Variants in PCNX4 observed in about 807,000 individuals in gnomAD.
PCNX4 encodes the protein pecanex 4, also known as pecanex-like protein 4.
A neutral mutation model predicts 107.2 loss-of-function variants in PCNX4; 103 were observed. The ratio of observed to expected loss-of-function variants is 0.96; its 90% CI spans 0.82 to 1.13. The LOEUF (loss-of-function observed/expected upper bound fraction) is 1.13, where lower values mean the gene tolerates loss of function less well. PCNX4 is among the 50% of genes most tolerant of loss of function. The pLI is 0.00. For synonymous variants in PCNX4, 541 were observed against 481.7 expected, an observed-to-expected ratio of 1.12 and a Z score of -1.61; for missense variants, 1,528 against 1,379.4, an observed-to-expected ratio of 1.11 and a Z score of -1.71.
At position 60,118,381 on chromosome 14, in the gene PCNX4, C is replaced by CTTTTGACTGTCA; in HGVS notation, c.1631_1632insTTTTGACTGTCA (p.Ala544_Val545insPheAspCysHis). 6.2e-7 allele frequency: 1 copy of CTTTTGACTGTCA among 1,612,976 alleles called. No individual in the cohort carries two copies. The highest frequency in any genetic ancestry group is 8.5e-7 in the Non-Finnish European group (1 of 1,179,392). Reference sequence around the variant, plus strand: ...CAGTTCATCTCTAAATTGCAGTTTGCCGTGACTGTGCTTTTGACATCATGG... The same window carrying CTTTTGACTGTCA: ...CAGTTCATCTCTAAATTGCAGTTTGCTTTTGACTGTCACGTGACTGTGCTTTTGACATCATGG... On this transcript the variant is annotated inframe_insertion, in exon 7 of 11. Transcript: ENST00000406854.
In PCNX4 at chr14:60,125,190, G is replaced by T. The variant is rs144671398; in HGVS notation, c.3019G>T (p.Val1007Phe). The T allele has an allele frequency of 3.7e-6, 6 of 1,610,050 alleles. No homozygotes were observed. Among genetic ancestry groups the T allele is most frequent in the South Asian group, 1.1e-5 (1 of 90,276 alleles). Residue 1007 changes from valine to phenylalanine, a missense_variant, in exon 9 of 11, where the codon GTT becomes TTT. Physicochemically the swap from Val to Phe is conservative, Grantham distance 50 (BLOSUM62 -1). Transcript: ENST00000406854. ...RVYGGVLPWS[V>F]ALDWLTEKPE... ...TTACGGTGGTGTTTTGCCTTGGTCT[G>T]TTGCTTTGGACTGGCTCACAGAAAA...
At chr14:60,101,919 A>G (rs1260868669) in intron 1 of PCNX4, among the ~76,000 whole-genome samples, 1 of 152,242 alleles carries the variant, frequency 6.6e-6, no homozygotes, top group Non-Finnish European at 1.5e-5. Flanking sequence ...AAACCATGCC[A>G]TATGTAACAA....
At chr14:60,118,254 T>C (rs1021802354) in intron 6 of PCNX4, 75 bp from the exon 7 acceptor site, 3 of 1,421,668 alleles carry the variant, frequency 2.1e-6, no homozygotes, top group Non-Finnish European at 2.8e-6. Flanking sequence ...TACTGTATAG[T>C]CTGTCTTATA....
chr14:60,127,053 T>C (rs1896068129), intron 10 of PCNX4, among the ~76,000 whole-genome samples: 1 of 152,220 alleles, frequency 6.6e-6, no homozygotes, highest in Non-Finnish European at 1.5e-5. Context: ...CTGAATCTCT[T>C]CTTCCCAGAG....
intron 2 of PCNX4, 55 bp from the exon 3 acceptor site, chr14:60,114,645 A>G (rs1895804778): frequency 7.6e-6 from 11 of 1,444,922 alleles, no homozygotes; most frequent in Non-Finnish European, 1.0e-5. Context: ...CTTTTTCTTA[A>G]AAGATCCTCT....
chr14:60,132,970 T>C (rs1255869967), intron 10 of PCNX4, among the ~76,000 whole-genome samples: 1 of 152,120 alleles, frequency 6.6e-6, no homozygotes, highest in Non-Finnish European at 1.5e-5. Flanking sequence ...TGTGGAGAAA[T>C]TGGAACCCTC....
chr14:60,114,589 TGG>T (rs1491157234), intron 2 of PCNX4, 109 bp from the exon 3 acceptor site: 21 of 603,466 alleles, frequency 3.5e-5, no homozygotes, highest in Non-Finnish European at 5.3e-5. Context: ...TGTGTGTGTG[TGG>T]TTTTTTTTTG....
chr14:60,096,799 G>A (rs989825890), intron 1 of PCNX4, among the ~76,000 whole-genome samples: 1 of 152,194 alleles, frequency 6.6e-6, no homozygotes, highest in Non-Finnish European at 1.5e-5. Context: ...TTTTGGCTGA[G>A]TTGGCCAAAT....
chr14:60,138,796 A>T lies in PCNX4; in HGVS notation c.*4575A>T, dbSNP rs1566525138. On this transcript the variant is annotated 3_prime_UTR_variant, in exon 11 of 11. Transcript: ENST00000406854. ...AGGTAGGAATGAACAGTAATTTAAA[A>T]ATATATATATACAGTTTAAGTGAAT... 2.0e-5 allele frequency: 3 copies of T among 152,206 alleles called. No individual in the cohort carries two copies. Among genetic ancestry groups the T allele is most frequent in the East Asian group, 1.9e-4 (1 of 5,194 alleles). The allele number at this position is 152,206 out of a possible 1,614,324, so 9.4% of individuals were successfully genotyped here.
chr14:60,133,785 G>A lies in PCNX4; in HGVS notation c.3268-185G>A. 4 of 668,028 alleles carry A rather than the reference G, an allele frequency of 6.0e-6. No homozygotes were observed. The Middle Eastern group carries it at 7.3e-4, about 121-fold the overall frequency. The allele number at this position is 668,028 out of a possible 1,614,324, so 41.4% of individuals were successfully genotyped here. A position where few individuals can be genotyped will look rare whatever the true frequency, so the allele number is the denominator to read the frequency against. The stretch of plus-strand genomic sequence containing the variant: ...TTATTTAAAGAACCAAGGAAGTAGA[G>A]GTAATTCTTGATTCTGAATACAGGC... On this transcript the variant is annotated intron_variant, in intron 10 of 10. Transcript: ENST00000406854.
At chr14:60,097,705 A>T in intron 1 of PCNX4, among the ~76,000 whole-genome samples, 1 of 152,230 alleles carries the variant, frequency 6.6e-6, no homozygotes, top group Non-Finnish European at 1.5e-5. Context: ...TTGGTTTGGG[A>T]GCAGAATCAT....
chr14:60,124,117 C>T, intron 8 of PCNX4, 101 bp from the exon 9 acceptor site: 1 of 975,764 alleles, frequency 1.0e-6, no homozygotes, highest in Non-Finnish European at 1.4e-6. Flanking sequence ...TGTCATTTTC[C>T]ATATTTTTGT....
Position 60,125,257 on chromosome 14 carries a change from C to A in PCNX4, c.3080+6C>A, listed in dbSNP as rs1385988975. The A allele has an allele frequency of 6.5e-7, 1 of 1,530,092 alleles. No homozygotes were observed. Among genetic ancestry groups the A allele is most frequent in the Non-Finnish European group, 8.8e-7 (1 of 1,142,214 alleles). The allele number at this position is 1,530,092 out of a possible 1,614,324, so 94.8% of individuals were successfully genotyped here. ...CTAGCACTGAAAGCATTCAGGTAATCCATTTTGATCATATGTAAGTTATAA... is the reference window on the plus strand; with the variant it reads ...CTAGCACTGAAAGCATTCAGGTAATACATTTTGATCATATGTAAGTTATAA... On this transcript the variant is annotated splice_donor_region_variant and intron_variant, in intron 9 of 10. Coordinates refer to ENST00000406854, the MANE Select transcript of PCNX4 (RefSeq NM_001330177.2).
rs1361934903 is a variant in PCNX4 at position 60,141,078 on chromosome 14, T to C, written c.*6857T>C. 1.3e-5 allele frequency: 2 copies of C among 152,240 alleles called. No homozygotes were observed. Among genetic ancestry groups the C allele is most frequent in the Admixed American group, 6.5e-5 (1 of 15,286 alleles). The allele number at this position is 152,240 out of a possible 1,614,324, so 9.4% of individuals were successfully genotyped here. On this transcript the variant is annotated 3_prime_UTR_variant, in exon 11 of 11. Transcript: ENST00000406854. ...TTCCCTTCCTGAAAGAGTCTGCTTT[T>C]ACTCTATTCTTGTGGTAGACAAAGT...
rs1388795039 is a variant in PCNX4 at position 60,125,749 on chromosome 14, T to C, written c.3193T>C (p.Ser1065Pro). 1 of 1,611,982 alleles carries C rather than the reference T, an allele frequency of 6.2e-7. No homozygotes were observed. The highest frequency in any genetic ancestry group is 1.1e-5 in the South Asian group (1 of 90,786). The change falls in exon 10 of 11, where the codon TCT becomes CCT. Residue 1065 changes from serine to proline, a missense_variant. Transcript: ENST00000406854. ...ACGTGACTGGTACATTGGTTTGGTATCTGATGAAAAGTGGAAGGAAGCAAT... is the reference window on the plus strand; with the variant it reads ...ACGTGACTGGTACATTGGTTTGGTACCTGATGAAAAGTGGAAGGAAGCAAT... ...YERDWYIGLV[S>P]DEKWKEAILQ...
At chr14:60,104,133 A>G (rs934560557) in intron 1 of PCNX4, among the ~76,000 whole-genome samples, 1 of 152,112 alleles carries the variant, frequency 6.6e-6, no homozygotes, top group African/African-American at 2.4e-5. Flanking sequence ...AGCCTGACCA[A>G]CATGGTGAAA....
Position 60,107,968 on chromosome 14 carries a change from A to C in PCNX4, c.330A>C (p.Leu110Phe), listed in dbSNP as rs755259045. The part of the protein sequence containing the change: ...TVERILTTDI[L>F]AEEDEHEFTS... The stretch of plus-strand genomic sequence containing the variant: ...AAAGAATACTAACCACGGATATCTT[A>C]GCAGAGGAGGATGAGCATGAATTTA... The change falls in exon 2 of 11, where the codon TTA (leucine) becomes TTC (phenylalanine). Residue 110 changes from leucine (L) to phenylalanine (F), a missense_variant. Coordinates refer to ENST00000406854, the MANE Select transcript of PCNX4 (RefSeq NM_001330177.2). 7 of 1,612,870 alleles carry C rather than the reference A, an allele frequency of 4.3e-6. No homozygotes were observed. In the South Asian group the frequency reaches 7.7e-5, roughly 18 times the overall value.
rs1489559163 is a variant in PCNX4 at position 60,137,535 on chromosome 14, A to C, written c.*3314A>C. On this transcript the variant is annotated 3_prime_UTR_variant, in exon 11 of 11. Transcript: ENST00000406854. ...TTTTGAGTTATTTTTATAACTTTTC[A>C]TGTTTAGTGTTGGAAAGTTATTTAA... The C allele has an allele frequency of 6.6e-6, 1 of 152,126 alleles. No homozygotes were observed. Among genetic ancestry groups the C allele is most frequent in the African/African-American group, 2.4e-5 (1 of 41,410 alleles). The allele number at this position is 152,126 out of a possible 1,614,324, so 9.4% of individuals were successfully genotyped here.
In PCNX4 at chr14:60,145,039, A is replaced by T. The variant is rs1463246958; in HGVS notation, c.*10818A>T. 5 of 1,538,130 alleles carry T rather than the reference A, an allele frequency of 3.3e-6. No homozygotes were observed. In the African/African-American group the frequency reaches 7.1e-5, roughly 22 times the overall value. On this transcript the variant is annotated 3_prime_UTR_variant, in exon 11 of 11. Coordinates refer to ENST00000406854, the MANE Select transcript of PCNX4 (RefSeq NM_001330177.2). The surrounding 1 kb of genome is among the most constrained non-coding windows in gnomAD (Gnocchi z 4.0). Reference sequence around the variant, plus strand: ...CTGTAAAAGAGGGACAGAAACATGGATCAGTACCTACTCCTATTTACTCCA... The same window carrying T: ...CTGTAAAAGAGGGACAGAAACATGGTTCAGTACCTACTCCTATTTACTCCA...
Sources: allele counts gnomAD v4.1 joint callset (sites outside exome capture counted in the v4.1 genomes callset), GRCh38; gene constraint gnomAD v4.1.1; non-coding constraint Gnocchi (gnomAD v3.1); transcripts MANE v1.5; gene names NCBI Gene and HGNC (gene_info 2026-07-23, HGNC 2026-07-21).